CRYAB: variants seen among roughly 807,000 people sequenced by gnomAD.
The protein encoded by CRYAB is crystallin alpha B.
Under a neutral mutation model 12.7 loss-of-function variants are expected in CRYAB, and 9 were observed. That is an observed-to-expected ratio of 0.71 (90% CI 0.43 to 1.24). The LOEUF (loss-of-function observed/expected upper bound fraction) is 1.24. Ranked by LOEUF, CRYAB falls within the 50% of genes most tolerant of loss-of-function variation. The pLI, the probability that CRYAB is intolerant of heterozygous loss-of-function variation, is 0.00. For synonymous variants in CRYAB, 93 were observed against 86.8 expected (o/e 1.07, Z -0.40); for missense variants, 183 against 226.6 (o/e 0.81, Z 1.24).
At chr11:111,913,287 T>C (rs1965530498), upstream of CRYAB, 1 of 671,286 alleles carries the variant, frequency 1.5e-6, no homozygotes, top group Non-Finnish European at 2.6e-6. Flanking sequence ...AGCTGCCTTC[T>C]CCTCCTAGCT....
At chr11:111,910,671 A>G (rs1350304236) in intron 1 of CRYAB, 9 of 613,714 alleles carry the variant, frequency 1.5e-5, no homozygotes, top group Non-Finnish European at 2.3e-5. Context: ...CTTTATTTAC[A>G]GGGACAGAGA....
At chr11:111,912,528 T>C (rs1592511041), upstream of CRYAB, 1 of 474,964 alleles carries the variant, frequency 2.1e-6, no homozygotes, top group Admixed American at 3.5e-5. Flanking sequence ...CACCACCAGC[T>C]CCCCCTCCCC....
chr11:111,918,267 A>C, upstream of CRYAB: 1 of 157,348 alleles, frequency 6.4e-6, no homozygotes. Flanking sequence ...TGGATAAGGA[A>C]ATGAGTGGTT....
At chr11:111,909,137 A>C (rs41302377) in intron 2 of CRYAB, 170 bp from the exon 3 acceptor site, 12 of 711,750 alleles carry the variant, frequency 1.7e-5, no homozygotes, top group Non-Finnish European at 2.8e-5. Flanking sequence ...GAAATTGCCT[A>C]GGTAGTCACT....
At chr11:111,912,829 C>G (rs4252586), upstream of CRYAB, 460 of 1,599,398 alleles carry the variant, frequency 2.9e-4, 1 homozygote, top group Non-Finnish European at 3.6e-4. Context: ...CATCTGCAGC[C>G]ATGTCGGGCC....
At chr11:111,912,688 C>G (rs1042490354), upstream of CRYAB, 40 of 533,864 alleles carry the variant, frequency 7.5e-5, no homozygotes, top group South Asian at 1.5e-4. Context: ...CCCTCCCCCC[C>G]CAAGAGGCTC....
intron 1 of CRYAB, chr11:111,923,606 C>A (rs587609146): frequency 3.3e-5 from 5 of 152,326 alleles, no homozygotes; most frequent in Admixed American, 1.3e-4. Flanking sequence ...AGTTAACAAT[C>A]ACGTAGACAC....
upstream of CRYAB, chr11:111,913,930 T>G: frequency 7.2e-5 from 111 of 1,541,760 alleles, no homozygotes; most frequent in Non-Finnish European, 9.1e-5. Context: ...AATCCCTCTC[T>G]ACCTCCCAAG....
At chr11:111,909,305 A>C (rs1555165308) in intron 2 of CRYAB, 2 of 459,346 alleles carry the variant, frequency 4.4e-6, no homozygotes, top group Non-Finnish European at 8.7e-6. Context: ...TGAGTCCCTG[A>C]GGAAGCCCTG....
chr11:111,918,936 C>T, intron 1 of CRYAB: 1 of 1,613,758 alleles, frequency 6.2e-7, no homozygotes, highest in South Asian at 1.1e-5. Context: ...CCTCTTGATG[C>T]ATAAAAACAG....
At position 111,909,957 on chromosome 11, in the gene CRYAB, G is replaced by T. The variant is rs1965400853; in HGVS notation, c.324+370C>A. On this transcript the variant is annotated intron_variant, in intron 2 of 2. Transcript: ENST00000650687. ...TTAAAAATGCTGATTTAATTGGTCT[G>T]GAGTAGTGCTCGCTTCGGCAGCACA... is the stretch of plus-strand genomic sequence containing the variant. The T allele has an allele frequency of 1.7e-5, 10 of 589,820 alleles. No homozygotes were observed. The South Asian group carries it at 2.1e-4, about 12-fold the overall frequency. 36.5% of individuals were successfully genotyped at this position (589,820 alleles called of 1,614,324 possible). A position where few individuals can be genotyped will look rare whatever the true frequency, so the allele number is the denominator to read the frequency against.
chr11:111,913,305 G>T, upstream of CRYAB: 2 of 692,532 alleles, frequency 2.9e-6, no homozygotes, highest in Non-Finnish European at 5.1e-6. Context: ...GCTACAGTGT[G>T]GCCTCCCTCC....
At chr11:111,912,852 A>C (rs782199553), upstream of CRYAB, 2 of 1,606,782 alleles carry the variant, frequency 1.2e-6, no homozygotes, top group Middle Eastern at 2.0e-4. Flanking sequence ...TCAGTGCCAC[A>C]TGCCCACCCG....
Position 111,908,695 on chromosome 11 carries a change from G to C in CRYAB, c.*69C>G. On this transcript the variant is annotated 3_prime_UTR_variant, in exon 3 of 3. Coordinates refer to ENST00000650687, the MANE Select transcript of CRYAB (RefSeq NM_001289808.2). The stretch of plus-strand genomic sequence containing the variant: ...TTAGCATTAATAAGCTTCAGCACTA[G>C]TCACAAGACTTTCATTCACTGGTGG... 1.3e-6 allele frequency: 2 copies of C among 1,506,898 alleles called. No homozygotes were observed. The highest frequency in any genetic ancestry group is 1.4e-5 in the African/African-American group (1 of 72,802). 93.3% of individuals were successfully genotyped at this position (1,506,898 alleles called of 1,614,324 possible).
upstream of CRYAB, chr11:111,914,176 G>A: frequency 5.1e-6 from 2 of 395,762 alleles, no homozygotes; most frequent in South Asian, 9.9e-5. Flanking sequence ...TAGACAAAAA[G>A]CTCCTCAGTT....
chr11:111,919,267 G>A (rs1292892402), intron 1 of CRYAB: 10 of 480,074 alleles, frequency 2.1e-5, no homozygotes, highest in African/African-American at 5.8e-5. Context: ...GAGGTCAGTA[G>A]ATCGAGACCA....
chr11:111,918,975 G>A (rs781979932), intron 1 of CRYAB: 1 of 1,614,098 alleles, frequency 6.2e-7, no homozygotes, highest in East Asian at 2.2e-5. Flanking sequence ...AGAGCGCCAT[G>A]GGAAACCGGG....
intron 1 of CRYAB, among the ~76,000 whole-genome samples, chr11:111,922,453 A>AT (rs1320997889): frequency 6.6e-6 from 1 of 152,154 alleles, no homozygotes; most frequent in Non-Finnish European, 1.5e-5. Context: ...ATTGCAGAAA[A>AT]TTTAACTTCT....
At chr11:111,918,607 A>G (rs1555166245) in intron 1 of CRYAB, 2 of 653,676 alleles carry the variant, frequency 3.1e-6, no homozygotes, top group Non-Finnish European at 5.6e-6. Flanking sequence ...TATAGAGGAT[A>G]TATTTCAAAG....
Sources: allele counts gnomAD v4.1 joint callset (sites outside exome capture counted in the v4.1 genomes callset), GRCh38; gene constraint gnomAD v4.1.1; transcripts MANE v1.5; gene names NCBI Gene and HGNC (gene_info 2026-07-23, HGNC 2026-07-21).